USP43: variants seen among roughly 807,000 people sequenced by gnomAD.
USP43 encodes ubiquitin specific peptidase 43.
In USP43, 33 loss-of-function variants were observed where a neutral mutation model predicts 90.7. That is an observed-to-expected ratio of 0.36 (90% CI 0.28 to 0.49). The LOEUF (loss-of-function observed/expected upper bound fraction) is 0.49, where lower values mean the gene tolerates loss of function less well. USP43 is among the 20% of genes least tolerant of loss of function. USP43 has a pLI of 0.98. For missense variants in USP43, 1,274 were observed against 1,476.4 expected, an observed-to-expected ratio of 0.86 and a Z score of 2.25; for synonymous variants, 598 against 615.8, an observed-to-expected ratio of 0.97 and a Z score of 0.43.
chr17:9,682,912 C>CT lies in USP43; in HGVS notation c.1196dup (p.Ile400AsnfsTer5). 6.2e-7 allele frequency: 1 copy of CT among 1,614,030 alleles called. No individual in the cohort carries two copies. Among genetic ancestry groups the CT allele is most frequent in the Non-Finnish European group, 8.5e-7 (1 of 1,179,878 alleles). ...CTCTCTCCACAGTGAGAGCAAGGTG[C>CT]TAATCCTCTTCTGTAACTTGGTGGG... On this transcript the variant is annotated frameshift_variant, in exon 7 of 15. Coordinates refer to ENST00000285199, the MANE Select transcript of USP43 (RefSeq NM_153210.5). LOFTEE classifies it high-confidence loss of function.
At position 9,701,478 on chromosome 17, in the gene USP43, G is replaced by T; in HGVS notation, c.1789G>T (p.Glu597Ter). The change falls in exon 12 of 15, where the codon GAG becomes TAG. Residue 597 changes from glutamate (E) to a stop codon, truncating the protein, a stop_gained. Transcript: ENST00000285199. LOFTEE classifies it high-confidence loss of function. This position sits in a 1 kb window ranked among gnomAD's most constrained non-coding sequence, Gnocchi z 7.2. ...IHLKRFCQVG[E>*]RRNKLSTLVK... Reference sequence around the variant, plus strand: ...CCTCAAAAGGTTCTGCCAGGTGGGCGAGAGAAGAAACAAGCTCTCCACGCT... The same window carrying T: ...CCTCAAAAGGTTCTGCCAGGTGGGCTAGAGAAGAAACAAGCTCTCCACGCT... The T allele has an allele frequency of 6.3e-7, 1 of 1,580,986 alleles. No individual in the cohort carries two copies.
intron 14 of USP43, among the ~76,000 whole-genome samples, chr17:9,713,876 C>A (rs968342462): frequency 6.6e-6 from 1 of 152,124 alleles, no homozygotes; most frequent in Non-Finnish European, 1.5e-5. Context: ...TTTTTTGACA[C>A]AGTAATTTTG....
intron 8 of USP43, among the ~76,000 whole-genome samples, chr17:9,692,701 TTGTC>T (rs1239439750): frequency 3.9e-5 from 6 of 152,358 alleles, no homozygotes; most frequent in South Asian, 2.1e-4. Flanking sequence ...AATATTTACT[TTGTC>T]TGTAAAATAT....
Position 9,709,859 on chromosome 17 carries a change from G to T in USP43, c.2012-97G>T. The T allele has an allele frequency of 2.4e-6, 3 of 1,271,260 alleles. No individual in the cohort carries two copies. The highest frequency in any genetic ancestry group is 3.0e-6 in the Non-Finnish European group (3 of 988,750). 78.7% of individuals were successfully genotyped at this position (1,271,260 alleles called of 1,614,324 possible). A position where few individuals can be genotyped will look rare whatever the true frequency, so the allele number is the denominator to read the frequency against. On this transcript the variant is annotated intron_variant, in intron 12 of 14. Transcript: ENST00000285199. This position sits in a 1 kb window ranked among gnomAD's most constrained non-coding sequence, Gnocchi z 5.0. ...AAATGGACTGTTTTTTTCTCATTCT[G>T]GTTTAAACATACCGCTTTTTCAGCT...
At chr17:9,719,617 T>G (rs562982345) in intron 14 of USP43, among the ~76,000 whole-genome samples, 2 of 152,320 alleles carry the variant, frequency 1.3e-5, no homozygotes, top group South Asian at 4.1e-4. Flanking sequence ...AGGTCTTGGC[T>G]CTCAGGCTCT....
intron 5 of USP43, among the ~76,000 whole-genome samples, chr17:9,679,222 G>GAATA (rs1913994434): frequency 6.6e-6 from 1 of 152,062 alleles, no homozygotes; most frequent in Non-Finnish European, 1.5e-5. Context: ...ATGAATGAAT[G>GAATA]ACAGGGTTTT....
rs780237965 is a variant in USP43 at position 9,728,665 on chromosome 17, T to A, written c.3047T>A (p.Val1016Asp). ...KENRRNERAE[V>D]SPQVPPVSLV... ...AACAGGAGGAATGAGAGGGCAGAGG[T>A]CTCTCCACAGGTGCCCCCCGTCTCC... Residue 1016 changes from valine (V) to aspartate (D), a missense_variant, in exon 15 of 15, where the codon GTC (valine) becomes GAC (aspartate). Coordinates refer to ENST00000285199, the MANE Select transcript of USP43 (RefSeq NM_153210.5). The surrounding 1 kb of genome is among the most constrained non-coding windows in gnomAD (Gnocchi z 6.2). 6.2e-7 allele frequency: 1 copy of A among 1,613,142 alleles called. No individual in the cohort carries two copies.
chr17:9,722,111 G>C (rs759323494), intron 14 of USP43, among the ~76,000 whole-genome samples: 1 of 152,012 alleles, frequency 6.6e-6, no homozygotes, highest in African/African-American at 2.4e-5. Context: ...TTGTTACTAG[G>C]TGTCTACGGG....
chr17:9,676,469 A>G (rs1050832696), intron 4 of USP43, among the ~76,000 whole-genome samples: 12 of 152,186 alleles, frequency 7.9e-5, no homozygotes, highest in Admixed American at 7.9e-4. Context: ...TCTCAGGTTC[A>G]AGCGATTCTC....
At chr17:9,681,694 A>G (rs546198505) in intron 6 of USP43, among the ~76,000 whole-genome samples, 1 of 150,968 alleles carries the variant, frequency 6.6e-6, no homozygotes, top group Non-Finnish European at 1.5e-5. Context: ...GGGTTTCACC[A>G]TGTTGGCCAG....
chr17:9,675,249 C>T (rs189260535), intron 4 of USP43, among the ~76,000 whole-genome samples: 23 of 152,298 alleles, frequency 1.5e-4, no homozygotes, highest in South Asian at 4.1e-4. Context: ...GAAGCTGGCA[C>T]GGACCCATTG....
Position 9,728,796 on chromosome 17 carries a change from G to A in USP43, c.3178G>A (p.Glu1060Lys), listed in dbSNP as rs371675908. 338 of 1,611,340 alleles carry A rather than the reference G, an allele frequency of 2.1e-4. No homozygotes were observed. Among genetic ancestry groups the A allele is most frequent in the Admixed American group, 4.2e-4 (25 of 59,704 alleles). ...GLARGLGSRL[E>K]RDVWSAPSSL... ...GGCCAGGGGCCTGGGCAGCCGGCTC[G>A]AGAGGGATGTCTGGTCAGCCCCCAG... Residue 1060 changes from glutamate to lysine, a missense_variant, in exon 15 of 15, where the codon GAG becomes AAG. Glu to Lys is a moderately conservative substitution (Grantham distance 56, BLOSUM62 1). Transcript: ENST00000285199. This position sits in a 1 kb window ranked among gnomAD's most constrained non-coding sequence, Gnocchi z 6.2.
intron 12 of USP43, among the ~76,000 whole-genome samples, chr17:9,704,363 T>A (rs1000041531): frequency 3.3e-5 from 5 of 152,124 alleles, no homozygotes; most frequent in Non-Finnish European, 5.9e-5. Context: ...AGTGCAGTGA[T>A]GTGATCTCGG....
chr17:9,670,039 C>CTTTTTTTTTTTTTT (rs148536442), intron 3 of USP43, among the ~76,000 whole-genome samples: 4 of 131,556 alleles, frequency 3.0e-5, no homozygotes, highest in Non-Finnish European at 6.4e-5. Flanking sequence ...GAGGTGACTG[C>CTTTTTTTTTTTTTT]TTTTTTTTTT....
intron 9 of USP43, among the ~76,000 whole-genome samples, chr17:9,696,710 G>T (rs185878537): frequency 6.6e-5 from 10 of 152,322 alleles, no homozygotes; most frequent in African/African-American, 2.4e-4. Context: ...TAATCTACGT[G>T]TTATAAACCA....
intron 9 of USP43, among the ~76,000 whole-genome samples, chr17:9,694,003 T>C (rs1377697510): frequency 1.3e-5 from 2 of 152,228 alleles, no homozygotes; most frequent in Non-Finnish European, 2.9e-5. Flanking sequence ...AAAGCCAGTG[T>C]GGCTGTGTCT....
At chr17:9,649,653 G>A (rs563698665) in intron 1 of USP43, among the ~76,000 whole-genome samples, 20 of 132,946 alleles carry the variant, frequency 1.5e-4, no homozygotes, top group Admixed American at 1.2e-3. Flanking sequence ...CTTTTCTAAT[G>A]ATGTAATTAA....
chr17:9,701,530 A>G lies in USP43; in HGVS notation c.1841A>G (p.Asn614Ser), dbSNP rs950565996. 1.9e-6 allele frequency: 3 copies of G among 1,566,342 alleles called. No homozygotes were observed. Among genetic ancestry groups the G allele is most frequent in the African/African-American group, 1.4e-5 (1 of 73,708 alleles). The change falls in exon 12 of 15, where the codon AAC (asparagine) becomes AGC (serine). Residue 614 changes from asparagine (N) to serine (S), a missense_variant. Asn to Ser is a conservative substitution (Grantham distance 46). Transcript: ENST00000285199. This position sits in a 1 kb window ranked among gnomAD's most constrained non-coding sequence, Gnocchi z 7.2. ...GTGAAGTTTCCGCTCTCTGGACTCA[A>G]CATGGCTCCCCATGTGGCCCAGAGA... Reference protein sequence around the residue: ...TLVKFPLSGLNMAPHVAQRST... With the variant: ...TLVKFPLSGLSMAPHVAQRST...
At chr17:9,714,698 A>G (rs1260145249) in intron 14 of USP43, among the ~76,000 whole-genome samples, 1 of 151,766 alleles carries the variant, frequency 6.6e-6, no homozygotes, top group Non-Finnish European at 1.5e-5. Context: ...AAAAAAAAAA[A>G]AAATGAAGAC....
Sources: gnomAD v4.1 joint callset for allele counts (sites outside exome capture counted in the v4.1 genomes callset) on GRCh38, gnomAD v4.1.1 for gene constraint, Gnocchi (gnomAD v3.1) non-coding constraint, MANE v1.5 for transcripts, NCBI Gene and HGNC (gene_info 2026-07-23, HGNC 2026-07-21) for gene names.